Variants in CHM observed in about 807,000 individuals in gnomAD.
CHM encodes CHM Rab escort protein, also known as rab proteins geranylgeranyltransferase component A 1.
CHM carries 10 observed loss-of-function variants against 49.0 expected under a neutral mutation model. That is an observed-to-expected ratio of 0.20 (90% CI 0.13 to 0.35). CHM has a LOEUF of 0.35. CHM is among the 10% of genes least tolerant of loss of function. CHM has a pLI of 1.00. For missense variants in CHM, 455 were observed against 478.4 expected, an observed-to-expected ratio of 0.95 and a Z score of 0.46; for synonymous variants, 184 against 167.5, an observed-to-expected ratio of 1.10 and a Z score of -0.76.
intron 5 of CHM, among the ~76,000 whole-genome samples, chrX:85,961,418 C>CA (rs1204463688): frequency 0.064 from 1,437 of 22,285 alleles, 34 homozygotes; most frequent in Non-Finnish European, 0.075. Context: ...GACTCTGTCT[C>CA]AAAAAAAAAA....
intron 1 of CHM, among the ~76,000 whole-genome samples, chrX:86,041,981 G>C (rs903662517): frequency 2.1e-4 from 23 of 109,153 alleles, no homozygotes; most frequent in Non-Finnish European, 3.4e-4. Flanking sequence ...CCTGGGAGAA[G>C]ATTAAGTTAG....
intron 2 of CHM, among the ~76,000 whole-genome samples, chrX:86,024,822 G>A (rs1313100678): frequency 2.7e-5 from 3 of 111,957 alleles, no homozygotes; most frequent in Non-Finnish European, 5.6e-5. Context: ...TACAAGTTTC[G>A]TTAAGTTGAG....
At chrX:85,938,323 G>A (rs887413710) in intron 8 of CHM, among the ~76,000 whole-genome samples, 3 of 111,785 alleles carry the variant, frequency 2.7e-5, no homozygotes, top group African/African-American at 6.5e-5. Context: ...ATCAACTAGA[G>A]AGGAAATTGT....
intron 8 of CHM, among the ~76,000 whole-genome samples, chrX:85,911,572 G>A (rs1319987993): frequency 9.2e-6 from 1 of 109,056 alleles, no homozygotes; most frequent in Non-Finnish European, 1.9e-5. Context: ...AGAACTGTGA[G>A]CAAACCAGAA....
intron 8 of CHM, 134 bp from the exon 9 acceptor site, chrX:85,911,472 T>TATC (rs1394997507): frequency 1.1e-5 from 3 of 268,107 alleles, no homozygotes; most frequent in Non-Finnish European, 2.2e-5. Flanking sequence ...CTATTTTCTC[T>TATC]ATCATAGTAT....
chrX:85,976,875 AACACACACACACACACACACACAC>A (rs201555478), intron 4 of CHM, among the ~76,000 whole-genome samples: 1 of 76,311 alleles, frequency 1.3e-5, no homozygotes, highest in South Asian at 6.3e-4. Context: ...AACACACACA[AACACACACACACACACACACACAC>A]ACACACACAC....
rs1276291280 is a variant in CHM at position 85,976,867 on chromosome X, C to A, written c.314+1900G>T. On this transcript the variant is annotated intron_variant, in intron 4 of 14. Transcript: ENST00000357749. ...TTAAACTACAATGCTAGGGGGAAAA[C>A]ACACACAAACACACACACACACACA... 2.4e-4 allele frequency among the ~76,000 whole-genome samples: 16 copies of A among 66,696 alleles called. No homozygotes were observed. In the Admixed American group the frequency reaches 3.1e-3, roughly 13 times the overall value. The allele number at this position is 66,696 out of a possible 115,157, so 57.9% of individuals were successfully genotyped here.
intron 4 of CHM, among the ~76,000 whole-genome samples, chrX:85,968,554 G>A (rs1484112949): frequency 1.8e-5 from 2 of 112,126 alleles, no homozygotes; most frequent in African/African-American, 6.5e-5. Context: ...CTTTGCTGGT[G>A]TTTGATTTAG....
chrX:85,894,916 A>G (rs2086065702), intron 11 of CHM, among the ~76,000 whole-genome samples: 1 of 111,887 alleles, frequency 8.9e-6, no homozygotes, highest in African/African-American at 3.2e-5. Flanking sequence ...TTCCAATTAT[A>G]TTGAAGCAAG....
intron 2 of CHM, among the ~76,000 whole-genome samples, chrX:86,009,074 T>A (rs991200445): frequency 8.9e-6 from 1 of 112,151 alleles, no homozygotes; most frequent in Non-Finnish European, 1.9e-5. Context: ...AACACTACCC[T>A]ATTACCAAAT....
intron 2 of CHM, 69 bp downstream of exon 2, chrX:86,027,422 G>T: frequency 2.3e-6 from 2 of 856,029 alleles, no homozygotes; most frequent in Non-Finnish European, 3.5e-6. Context: ...ACATATATGT[G>T]TTTATGTAAA....
chrX:86,019,097 G>T (rs1476362115), intron 2 of CHM, among the ~76,000 whole-genome samples: 1 of 111,895 alleles, frequency 8.9e-6, no homozygotes, highest in Non-Finnish European at 1.9e-5. Flanking sequence ...TGGGTGGGGT[G>T]CAGGCAGGAA....
chrX:86,001,868 A>G (rs928308573), intron 2 of CHM, among the ~76,000 whole-genome samples: 2 of 111,202 alleles, frequency 1.8e-5, no homozygotes, highest in Admixed American at 9.6e-5. Context: ...TGTTTAAAAA[A>G]ACAACAACAA....
chrX:86,013,109 G>C (rs1352033962), intron 2 of CHM, among the ~76,000 whole-genome samples: 1 of 111,359 alleles, frequency 9.0e-6, no homozygotes, highest in Non-Finnish European at 1.9e-5. Flanking sequence ...AAAAAACCCC[G>C]GACACAGCCA....
intron 2 of CHM, among the ~76,000 whole-genome samples, chrX:85,982,098 G>C (rs1292682565): frequency 1.3e-4 from 14 of 111,690 alleles, no homozygotes; most frequent in African/African-American, 4.6e-4. Context: ...CCTGACATGG[G>C]CATTTAGCAG....
intron 8 of CHM, among the ~76,000 whole-genome samples, chrX:85,932,937 C>T (rs930377153): frequency 4.5e-5 from 5 of 111,993 alleles, no homozygotes; most frequent in Non-Finnish European, 9.4e-5. Context: ...AGGATCACTA[C>T]AGCCTGGCAG....
intron 4 of CHM, among the ~76,000 whole-genome samples, chrX:85,977,002 A>ATACTCTTGT (rs776169699): frequency 2.7e-3 from 301 of 111,984 alleles, no homozygotes; most frequent in African/African-American, 9.4e-3. Context: ...TGTATAATGT[A>ATACTCTTGT]AAACTTTGTG....
At chrX:85,998,278 T>C (rs1298675834) in intron 2 of CHM, among the ~76,000 whole-genome samples, 1 of 111,893 alleles carries the variant, frequency 8.9e-6, no homozygotes, top group Non-Finnish European at 1.9e-5. Flanking sequence ...ATATTTTCAC[T>C]ACATCAATTC....
chrX:85,978,105 C>T (rs12838604), intron 4 of CHM, among the ~76,000 whole-genome samples: 29,430 of 110,834 alleles, frequency 0.27, 3,426 homozygotes, highest in Admixed American at 0.39. Context: ...TACCTTTTAA[C>T]CTGTCAATCA....
Sources: gnomAD v4.1 joint callset for allele counts (sites outside exome capture counted in the v4.1 genomes callset) on GRCh38, gnomAD v4.1.1 for gene constraint, MANE v1.5 for transcripts, NCBI Gene and HGNC (gene_info 2026-07-23, HGNC 2026-07-21) for gene names.